Variants in MRAP2 observed in about 807,000 individuals in gnomAD.
MRAP2 encodes melanocortin 2 receptor accessory protein 2, also known as melanocortin-2 receptor accessory protein 2.
A neutral mutation model predicts 17.4 loss-of-function variants in MRAP2; 20 were observed. That is an observed-to-expected ratio of 1.15 (90% CI 0.81 to 1.67). The LOEUF (loss-of-function observed/expected upper bound fraction) is 1.67, where lower values mean the gene tolerates loss of function less well. MRAP2 is among the 40% of genes most tolerant of loss of function. The pLI is 0.00. For missense variants in MRAP2, 238 were observed against 240.0 expected, an observed-to-expected ratio of 0.99 and a Z score of 0.05; for synonymous variants, 96 against 88.4, an observed-to-expected ratio of 1.09 and a Z score of -0.48.
intron 1 of MRAP2, among the ~76,000 whole-genome samples, chr6:84,036,738 G>C (rs1272787700): frequency 2.6e-5 from 4 of 152,152 alleles, no homozygotes; most frequent in Non-Finnish European, 5.9e-5. Flanking sequence ...CCCACATCCT[G>C]CTGATTGGTC....
intron 2 of MRAP2, among the ~76,000 whole-genome samples, chr6:84,060,506 A>G (rs2099492843): frequency 6.6e-6 from 1 of 152,196 alleles, no homozygotes; most frequent in South Asian, 2.1e-4. Context: ...AGACTTAAAT[A>G]TAGCATTGGT....
chr6:84,122,304 G>A, the MRAP2 span, among the ~76,000 whole-genome samples: 1 of 130,518 alleles, frequency 7.7e-6, no homozygotes, highest in Admixed American at 8.4e-5. Context: ...GAACATAGAT[G>A]TGAAAATCCT....
the MRAP2 span, among the ~76,000 whole-genome samples, chr6:84,141,321 T>C: frequency 6.6e-6 from 1 of 152,032 alleles, no homozygotes; most frequent in Non-Finnish European, 1.5e-5. Context: ...TATGGTAAAA[T>C]AAAATTTAAA....
chr6:84,093,771 T>G (rs571700062), downstream of MRAP2, among the ~76,000 whole-genome samples: 1 of 152,328 alleles, frequency 6.6e-6, no homozygotes, highest in South Asian at 2.1e-4. Context: ...ACTTAGTGAC[T>G]TTTAGCATTA....
In MRAP2 at chr6:84,089,949, C is replaced by T. The variant is rs2099501454; in HGVS notation, c.*468C>T. The T allele has an allele frequency of 6.4e-6, 1 of 156,210 alleles. No homozygotes were observed. The highest frequency in any genetic ancestry group is 2.4e-5 in the African/African-American group (1 of 41,446). The allele number at this position is 156,210 out of a possible 1,614,324, so 9.7% of individuals were successfully genotyped here. On this transcript the variant is annotated 3_prime_UTR_variant, in exon 4 of 4. Transcript: ENST00000257776. ...ATTGGACACCTCTGATTTATACTAG[C>T]TCGTTTTGCTTGTTGAAAAATTTGG...
chr6:84,138,267 C>T, the MRAP2 span, among the ~76,000 whole-genome samples: 1 of 152,182 alleles, frequency 6.6e-6, no homozygotes, highest in African/African-American at 2.4e-5. Flanking sequence ...TGTTTTCAGA[C>T]ACTGGATAAC....
At chr6:84,100,576 T>G in the MRAP2 span, among the ~76,000 whole-genome samples, 7 of 152,174 alleles carry the variant, frequency 4.6e-5, no homozygotes, top group African/African-American at 1.7e-4. Context: ...CAGAATCAGT[T>G]TTTAAATTCC....
intron 3 of MRAP2, among the ~76,000 whole-genome samples, chr6:84,075,260 T>C (rs1031075181): frequency 7.2e-5 from 11 of 152,178 alleles, no homozygotes; most frequent in African/African-American, 2.7e-4. Flanking sequence ...CCCACCTGAC[T>C]GCCCAGGGCT....
intron 2 of MRAP2, among the ~76,000 whole-genome samples, chr6:84,056,200 C>T (rs1165245627): frequency 2.6e-5 from 4 of 152,180 alleles, no homozygotes; most frequent in African/African-American, 9.7e-5. Context: ...TTATCCACAG[C>T]ACTGTAAAAT....
chr6:84,089,600 A>G lies in MRAP2; in HGVS notation c.*119A>G. 1 of 1,183,676 alleles carries G rather than the reference A, an allele frequency of 8.4e-7. No individual in the cohort carries two copies. The highest frequency in any genetic ancestry group is 1.2e-6 in the Non-Finnish European group (1 of 845,786). The allele number at this position is 1,183,676 out of a possible 1,614,324, so 73.3% of individuals were successfully genotyped here. A position where few individuals can be genotyped will look rare whatever the true frequency, so the allele number is the denominator to read the frequency against. Reference sequence around the variant, plus strand: ...GAGAGAGAGACATAGAGATAGAGACAGAGAGGCAGAGAAGAGACCCCTTTA... The same window carrying G: ...GAGAGAGAGACATAGAGATAGAGACGGAGAGGCAGAGAAGAGACCCCTTTA... On this transcript the variant is annotated 3_prime_UTR_variant, in exon 4 of 4. Coordinates refer to ENST00000257776, the MANE Select transcript of MRAP2 (RefSeq NM_138409.4).
the MRAP2 span, among the ~76,000 whole-genome samples, chr6:84,135,184 A>G: frequency 2.6e-5 from 4 of 152,352 alleles, no homozygotes; most frequent in South Asian, 8.3e-4. Context: ...TTATGTATTA[A>G]TAGTATAAAA....
At chr6:84,035,399 T>C in intron 1 of MRAP2, 2 of 984,082 alleles carry the variant, frequency 2.0e-6, no homozygotes, top group East Asian at 1.1e-4. Flanking sequence ...CCAAACCAAC[T>C]CCCTTCCCTT....
At chr6:84,116,767 T>C in the MRAP2 span, among the ~76,000 whole-genome samples, 3 of 152,156 alleles carry the variant, frequency 2.0e-5, no homozygotes, top group African/African-American at 4.8e-5. Flanking sequence ...TGTGTTCAGT[T>C]TTCTTATGTG....
the MRAP2 span, among the ~76,000 whole-genome samples, chr6:84,113,269 G>A: frequency 1.3e-5 from 2 of 152,124 alleles, no homozygotes; most frequent in East Asian, 3.9e-4. Context: ...GAATCTTTGT[G>A]CTCTTTTATT....
At chr6:84,120,092 A>G in the MRAP2 span, among the ~76,000 whole-genome samples, 5 of 152,154 alleles carry the variant, frequency 3.3e-5, no homozygotes, top group Non-Finnish European at 5.9e-5. Context: ...CCTGGGGGAC[A>G]CTCGTTTAAG....
At chr6:84,111,333 T>C in the MRAP2 span, among the ~76,000 whole-genome samples, 1 of 152,158 alleles carries the variant, frequency 6.6e-6, no homozygotes, top group Non-Finnish European at 1.5e-5. Flanking sequence ...CCCTTGTAAG[T>C]TTTATTCCTA....
the MRAP2 span, among the ~76,000 whole-genome samples, chr6:84,131,982 G>C: frequency 3.3e-5 from 5 of 152,324 alleles, no homozygotes; most frequent in South Asian, 1.0e-3. Context: ...GCTGGTACCA[G>C]TCGTTCCTTT....
chr6:84,033,564 A>T, upstream of MRAP2: 1 of 556,152 alleles, frequency 1.8e-6, no homozygotes, highest in Non-Finnish European at 2.3e-6. Context: ...TCTCTGACTC[A>T]GGCTCTGACC....
At chr6:84,098,970 T>C in the MRAP2 span, among the ~76,000 whole-genome samples, 1 of 152,150 alleles carries the variant, frequency 6.6e-6, no homozygotes, top group South Asian at 2.1e-4. Flanking sequence ...TAATCCATAA[T>C]TTTTTTAATA....
Sources: gnomAD v4.1 joint callset for allele counts (sites outside exome capture counted in the v4.1 genomes callset) on GRCh38, gnomAD v4.1.1 for gene constraint, MANE v1.5 for transcripts, NCBI Gene and HGNC (gene_info 2026-07-23, HGNC 2026-07-21) for gene names.